Variants in KCNN1 observed in about 807,000 individuals in gnomAD.
KCNN1 encodes the protein potassium calcium-activated channel subfamily N member 1.
In KCNN1, 20 loss-of-function variants were observed where a neutral mutation model predicts 44.7. That is an observed-to-expected ratio of 0.45 (90% confidence interval 0.32 to 0.65). KCNN1 has a LOEUF of 0.65. Among genes scored for constraint, KCNN1 ranks in the 30% least tolerant of loss-of-function variants. KCNN1 has a pLI of 0.05. For missense variants in KCNN1, 632 were observed against 785.3 expected (o/e 0.80, Z 2.33); for synonymous variants, 324 against 341.7 (o/e 0.95, Z 0.57).
At chr19:17,967,093 C>G (rs1180187105), upstream of KCNN1, 1 of 980,722 alleles carries the variant, frequency 1.0e-6, no homozygotes, top group Non-Finnish European at 1.2e-6. Context: ...GCCCCCTTCT[C>G]TCCCGGCCCG....
Position 17,993,284 on chromosome 19 carries a change from C to T in KCNN1, c.1308-206C>T, listed in dbSNP as rs554230087. ...AGGACCAGCCAATGGGTGGTGTGGG[C>T]GGTGGCCAGGCTGACTTCTGGCCCT... On this transcript the variant is annotated intron_variant, in intron 8 of 9. Coordinates refer to ENST00000684775, the MANE Select transcript of KCNN1 (RefSeq NM_001386974.1). This position sits in a 1 kb window ranked among gnomAD's most constrained non-coding sequence, Gnocchi z 4.5. Among the ~76,000 whole-genome samples the T allele has an allele frequency of 2.0e-4, 31 of 152,198 alleles. No individual in the cohort carries two copies. The South Asian group carries it at 2.9e-3, about 14-fold the overall frequency.
chr19:17,989,945 G>A, intron 7 of KCNN1, 102 bp downstream of exon 7: 2 of 1,569,184 alleles, frequency 1.3e-6, no homozygotes, highest in Non-Finnish European at 1.8e-6. Flanking sequence ...GCCAGGGACG[G>A]GTGGTCAGTT....
rs745737623 is a variant in KCNN1 at position 17,993,500 on chromosome 19, G to C, written c.1318G>C (p.Val440Leu). 1 of 1,613,774 alleles carries C rather than the reference G, an allele frequency of 6.2e-7. No homozygotes were observed. The highest frequency in any genetic ancestry group is 1.7e-5 in the Admixed American group (1 of 59,996). The change falls in exon 9 of 10, where the codon GTG (valine) becomes CTG (leucine). Residue 440 changes from valine (V) to leucine (L), a missense_variant. Coordinates refer to ENST00000684775, the MANE Select transcript of KCNN1 (RefSeq NM_001386974.1). The surrounding 1 kb of genome is among the most constrained non-coding windows in gnomAD (Gnocchi z 4.5). ...AIHQAQKLRS[V>L]KIEQGKLNDQ... is the part of the protein sequence containing the mutation. ...CCCGTGTCCCCACAGGCTCCGGAGT[G>C]TGAAGATCGAGCAAGGGAAGCTGAA...
intron 6 of KCNN1, among the ~76,000 whole-genome samples, chr19:17,989,183 C>T (rs192812783): frequency 3.9e-5 from 6 of 152,260 alleles, no homozygotes; most frequent in Admixed American, 1.3e-4. Context: ...CATGGCCGGG[C>T]GCGGTGGCTC....
At chr19:17,979,852 C>G (rs907081050) in intron 3 of KCNN1, among the ~76,000 whole-genome samples, 1 of 150,810 alleles carries the variant, frequency 6.6e-6, no homozygotes, top group Admixed American at 6.6e-5. Flanking sequence ...TTTAAAATGA[C>G]ACGTGAAAAA....
intron 7 of KCNN1, among the ~76,000 whole-genome samples, chr19:17,992,824 G>A (rs1034599326): frequency 4.6e-5 from 7 of 152,112 alleles, no homozygotes; most frequent in Non-Finnish European, 8.8e-5. Flanking sequence ...ATGAAACACC[G>A]CCTCCGGTGG....
chr19:17,993,754 TACA>T lies in KCNN1; in HGVS notation c.1377+200_1377+202del, dbSNP rs915660340. 9.2e-5 allele frequency among the ~76,000 whole-genome samples: 14 copies of T among 151,558 alleles called. No individual in the cohort carries two copies. Among genetic ancestry groups the T allele is most frequent in the African/African-American group, 2.2e-4 (9 of 41,284 alleles). ...TGAAATCCCGTCTCTACAAAAAAAA[TACA>T]ACAATTAGCCAGGCGTGGTGGCGGG... On this transcript the variant is annotated intron_variant, in intron 9 of 9. Coordinates refer to ENST00000684775, the MANE Select transcript of KCNN1 (RefSeq NM_001386974.1). This position sits in a 1 kb window ranked among gnomAD's most constrained non-coding sequence, Gnocchi z 4.5.
chr19:17,989,976 G>A, intron 7 of KCNN1, 133 bp downstream of exon 7: 1 of 1,268,572 alleles, frequency 7.9e-7, no homozygotes, highest in South Asian at 1.2e-5. Context: ...TGCATCTTCT[G>A]AGCTGGGTGG....
At chr19:17,966,022 TG>T (rs574326078), upstream of KCNN1, among the ~76,000 whole-genome samples, 48 of 83,552 alleles carry the variant, frequency 5.7e-4, no homozygotes, top group South Asian at 1.4e-3. Flanking sequence ...CCTGCCTGCC[TG>T]CCTTCCTTCC....
In KCNN1 at chr19:17,993,438, A is replaced by G; in HGVS notation, c.1308-52A>G. The G allele has an allele frequency of 7.2e-7, 1 of 1,389,654 alleles. No individual in the cohort carries two copies. Among genetic ancestry groups the G allele is most frequent in the Non-Finnish European group, 1.0e-6 (1 of 985,538 alleles). 86.1% of individuals were successfully genotyped at this position (1,389,654 alleles called of 1,614,324 possible). A position where few individuals can be genotyped will look rare whatever the true frequency, so the allele number is the denominator to read the frequency against. On this transcript the variant is annotated intron_variant, in intron 8 of 9. Coordinates refer to ENST00000684775, the MANE Select transcript of KCNN1 (RefSeq NM_001386974.1). The surrounding 1 kb of genome is among the most constrained non-coding windows in gnomAD (Gnocchi z 4.5). ...GCATGAAAGTCCCTGCCCCCACTGC[A>G]GCCTCCACGGGAACCTGCCTAACCC...
rs78194105 is a variant in KCNN1, at chr19:17,971,332, T to C, written c.-81-2476T>C. 2.9e-4 allele frequency among the ~76,000 whole-genome samples: 44 copies of C among 151,692 alleles called. No homozygotes were observed. In the East Asian group the frequency reaches 6.4e-3, roughly 22 times the overall value. ...GGGGGACCCCTAGTGCATGCTGTTG[T>C]GACCATTTCAAAGGGGATAACACTT... On this transcript the variant is annotated intron_variant, in intron 1 of 9. Coordinates refer to ENST00000684775, the MANE Select transcript of KCNN1 (RefSeq NM_001386974.1).
At chr19:17,984,939 G>A (rs988206229) in intron 4 of KCNN1, among the ~76,000 whole-genome samples, 7 of 152,204 alleles carry the variant, frequency 4.6e-5, no homozygotes, top group African/African-American at 1.7e-4. Context: ...TTGGGGCCTT[G>A]CTGGCTGAGA....
chr19:17,951,919 G>T (rs1174265260), intron 1 of KCNN1, among the ~76,000 whole-genome samples: 1 of 152,240 alleles, frequency 6.6e-6, no homozygotes, highest in Non-Finnish European at 1.5e-5. Context: ...CTGGCCAGGG[G>T]CTTCCGCTCT....
chr19:17,965,018 G>A (rs1434120793), upstream of KCNN1, among the ~76,000 whole-genome samples: 4 of 152,270 alleles, frequency 2.6e-5, no homozygotes, highest in Non-Finnish European at 5.9e-5. Context: ...GCTCACGCCT[G>A]TAATCCCAGC....
chr19:17,969,506 A>C (rs1599352184), intron 1 of KCNN1, among the ~76,000 whole-genome samples: 1 of 146,128 alleles, frequency 6.8e-6, no homozygotes. Context: ...CCACCCCTCC[A>C]CCCCTCCACC....
intron 7 of KCNN1, 129 bp from the exon 8 acceptor site, chr19:17,992,925 C>T: frequency 8.3e-7 from 1 of 1,208,742 alleles, no homozygotes; most frequent in Non-Finnish European, 1.2e-6. Context: ...CCTCGGCCAT[C>T]TGGGAACCCC....
chr19:17,967,045 C>T (rs1300906784), upstream of KCNN1: 8 of 882,430 alleles, frequency 9.1e-6, no homozygotes, highest in Middle Eastern at 1.1e-3. Flanking sequence ...GGTGCCAACC[C>T]GGGCTCGGCC....
chr19:17,951,728 C>T (rs116982485), intron 1 of KCNN1, among the ~76,000 whole-genome samples: 3 of 152,324 alleles, frequency 2.0e-5, no homozygotes, highest in East Asian at 3.9e-4. Flanking sequence ...ACCTTCCAGC[C>T]CGGTCAACGT....
At chr19:17,957,321 AGAAG>A (rs906783021) in intron 2 of KCNN1, among the ~76,000 whole-genome samples, 5 of 150,196 alleles carry the variant, frequency 3.3e-5, no homozygotes, top group Middle Eastern at 3.5e-3. Context: ...AGAGAAAAAA[AGAAG>A]GAAGGAAAGA....
Sources: allele counts gnomAD v4.1 joint callset (sites outside exome capture counted in the v4.1 genomes callset), GRCh38; gene constraint gnomAD v4.1.1; non-coding constraint Gnocchi (gnomAD v3.1); transcripts MANE v1.5; gene names NCBI Gene and HGNC (gene_info 2026-07-23, HGNC 2026-07-21).